MOBP: variants seen among roughly 807,000 people sequenced by gnomAD.
MOBP encodes the protein myelin associated oligodendrocyte basic protein.
MOBP carries 5 observed loss-of-function variants against 15.0 expected under a neutral mutation model. That is an observed-to-expected ratio of 0.33 (90% confidence interval 0.17 to 0.70). The LOEUF (loss-of-function observed/expected upper bound fraction) is 0.70. MOBP is among the 30% of genes least tolerant of loss of function. The probability of loss-of-function intolerance (pLI) is 0.67; values close to 1 mark genes in which losing one functional copy is unlikely to be tolerated. For synonymous variants in MOBP, 88 were observed against 99.0 expected (o/e 0.89, Z 0.66); for missense variants, 188 against 257.8 (o/e 0.73, Z 1.85).
intron 2 of MOBP, among the ~76,000 whole-genome samples, chr3:39,489,673 C>G (rs768113935): frequency 2.2e-5 from 3 of 139,116 alleles, no homozygotes; most frequent in Non-Finnish European, 4.5e-5. Context: ...AAGGCAGGAG[C>G]TGGGTGTATT....
chr3:39,492,590 C>T (rs1281932124), intron 2 of MOBP, among the ~76,000 whole-genome samples: 1 of 152,046 alleles, frequency 6.6e-6, no homozygotes, highest in African/African-American at 2.4e-5. Flanking sequence ...AAAAGTTGTG[C>T]TTTTTTTGGT....
intron 1 of MOBP, among the ~76,000 whole-genome samples, chr3:39,469,046 ATG>A (rs1241443461): frequency 5.5e-5 from 4 of 73,368 alleles, no homozygotes; most frequent in South Asian, 4.0e-4. Context: ...ATATATACAT[ATG>A]TGTGTGTATA....
At chr3:39,475,792 A>C (rs2042537782) in intron 1 of MOBP, among the ~76,000 whole-genome samples, 1 of 152,160 alleles carries the variant, frequency 6.6e-6, no homozygotes. Flanking sequence ...TTTCCAGGAT[A>C]AACTTCTATT....
intron 2 of MOBP, among the ~76,000 whole-genome samples, chr3:39,496,655 G>A (rs1349567044): frequency 2.1e-5 from 3 of 142,762 alleles, no homozygotes; most frequent in Non-Finnish European, 3.0e-5. Context: ...CACCACGCCC[G>A]GCTAATTTTT....
intron 1 of MOBP, among the ~76,000 whole-genome samples, chr3:39,468,682 ATG>A (rs745600131): frequency 3.9e-5 from 5 of 127,176 alleles, no homozygotes; most frequent in South Asian, 2.3e-4. Flanking sequence ...ATATAAAAAT[ATG>A]TGTGTGTATA....
At chr3:39,503,943 T>C (rs664294), downstream of MOBP, among the ~76,000 whole-genome samples, 139,584 of 152,186 alleles carry the variant, frequency 0.92, 64,665 homozygotes, top group Middle Eastern at 0.98. Context: ...GGCCTGGGTA[T>C]GTGCCTTTTT....
intron 1 of MOBP, among the ~76,000 whole-genome samples, chr3:39,476,457 C>T (rs1036522494): frequency 1.3e-5 from 2 of 152,172 alleles, no homozygotes; most frequent in African/African-American, 4.8e-5. Context: ...TTTCTGACTC[C>T]AATCTAGCAG....
chr3:39,474,619 A>C (rs2042518729), intron 1 of MOBP, among the ~76,000 whole-genome samples: 1 of 152,166 alleles, frequency 6.6e-6, no homozygotes, highest in South Asian at 2.1e-4. Flanking sequence ...ACTTATACAC[A>C]TCATCCCTCT....
intron 2 of MOBP, among the ~76,000 whole-genome samples, chr3:39,483,480 C>T (rs749911642): frequency 3.3e-5 from 5 of 152,156 alleles, no homozygotes; most frequent in Admixed American, 1.3e-4. Flanking sequence ...CTGGAAAACC[C>T]AAGGCAGCTT....
chr3:39,519,642 T>C (rs2043242465), downstream of MOBP, among the ~76,000 whole-genome samples: 1 of 152,156 alleles, frequency 6.6e-6, no homozygotes, highest in Non-Finnish European at 1.5e-5. Flanking sequence ...TTTCCTTTTC[T>C]ATGCGTTTTC....
chr3:39,468,964 G>C (rs948381413), intron 1 of MOBP, among the ~76,000 whole-genome samples: 7 of 98,840 alleles, frequency 7.1e-5, no homozygotes, highest in Non-Finnish European at 1.2e-4. Context: ...ATATACATAT[G>C]TGTGTGTATA....
chr3:39,513,411 A>G (rs746622008), exon 5 of MOBP: 7 of 1,614,134 alleles, frequency 4.3e-6, no homozygotes, highest in Admixed American at 1.7e-5. Flanking sequence ...GCCAACCCCA[A>G]AGAAGAAGTG....
intron 2 of MOBP, among the ~76,000 whole-genome samples, chr3:39,493,504 AG>A (rs2042831264): frequency 6.6e-6 from 1 of 152,132 alleles, no homozygotes; most frequent in Admixed American, 6.5e-5. Flanking sequence ...GGACTGCTAG[AG>A]AGCATCTGGG....
downstream of MOBP, among the ~76,000 whole-genome samples, chr3:39,519,277 T>C (rs1315250607): frequency 6.6e-6 from 1 of 152,228 alleles, no homozygotes; most frequent in Non-Finnish European, 1.5e-5. Context: ...GTTCTTTCTC[T>C]TGGGGCTTAT....
At chr3:39,479,527 A>T (rs780849537) in intron 1 of MOBP, among the ~76,000 whole-genome samples, 1 of 152,108 alleles carries the variant, frequency 6.6e-6, no homozygotes, top group Non-Finnish European at 1.5e-5. Context: ...GAAGTTCTCA[A>T]TTTAATGCTT....
At chr3:39,505,515 C>A (rs57971531), downstream of MOBP, among the ~76,000 whole-genome samples, 930 of 152,322 alleles carry the variant, frequency 6.1e-3, 3 homozygotes, top group Non-Finnish European at 0.01. Flanking sequence ...TTTGCCCTAT[C>A]TGTGGCATAT....
intron 2 of MOBP, among the ~76,000 whole-genome samples, chr3:39,490,396 G>A (rs1055343948): frequency 1.3e-5 from 2 of 152,106 alleles, no homozygotes; most frequent in Admixed American, 6.5e-5. Flanking sequence ...TGAAATGGAG[G>A]CAAGGTTTAA....
At chr3:39,493,568 G>T (rs1300121213) in intron 2 of MOBP, among the ~76,000 whole-genome samples, 1 of 152,054 alleles carries the variant, frequency 6.6e-6, no homozygotes, top group Non-Finnish European at 1.5e-5. Flanking sequence ...GGCACCCTTT[G>T]TTCATTCTCT....
intron 1 of MOBP, among the ~76,000 whole-genome samples, chr3:39,471,184 GTGCACCAGCCTAGTGGCTCAC>G (rs2042464208): frequency 1.4e-5 from 2 of 148,068 alleles, no homozygotes; most frequent in Non-Finnish European, 1.5e-5. Context: ...CTGGAGTGCA[GTGCACCAGCCTAGTGGCTCAC>G]TGCAACCTCT....
Sources: allele counts gnomAD v4.1 joint callset (sites outside exome capture counted in the v4.1 genomes callset), GRCh38; gene constraint gnomAD v4.1.1; transcripts MANE v1.5; gene names NCBI Gene and HGNC (gene_info 2026-07-23, HGNC 2026-07-21).